The following PCMT1 variants were observed in gnomAD, a reference collection of about 807,000 sequenced individuals.
PCMT1 encodes protein-L-isoaspartate (D-aspartate) O-methyltransferase.
Under a neutral mutation model 29.2 loss-of-function variants are expected in PCMT1, and 9 were observed. That is an observed-to-expected ratio of 0.31 (90% CI 0.19 to 0.54). PCMT1 has a LOEUF of 0.54. Ranked by LOEUF, PCMT1 falls within the 20% of genes least tolerant of loss-of-function variation. The probability of loss-of-function intolerance (pLI) is 0.95; values close to 1 mark genes in which losing one functional copy is unlikely to be tolerated. For synonymous variants in PCMT1, 98 were observed against 97.5 expected (o/e 1.00, Z -0.03); for missense variants, 184 against 282.2 (o/e 0.65, Z 2.49).
At chr6:149,780,343 A>G (rs2115277028) in intron 3 of PCMT1, among the ~76,000 whole-genome samples, 1 of 142,150 alleles carries the variant, frequency 7.0e-6, no homozygotes, top group East Asian at 2.0e-4. Flanking sequence ...CCTGTCTCAG[A>G]AAAAAAAAAA....
intron 3 of PCMT1, among the ~76,000 whole-genome samples, chr6:149,773,911 G>T (rs193075301): frequency 1.4e-3 from 215 of 152,280 alleles, no homozygotes; most frequent in Non-Finnish European, 2.1e-3. Context: ...CCATTAAGCT[G>T]CATAGCTCCT....
chr6:149,769,807 G>A (rs1463343280), intron 1 of PCMT1, among the ~76,000 whole-genome samples: 1 of 135,752 alleles, frequency 7.4e-6, no homozygotes, highest in Non-Finnish European at 1.5e-5. Context: ...GTGGAGACAG[G>A]GCCTATGTTG....
At chr6:149,749,726 G>C (rs1337924819), upstream of PCMT1, 2 of 1,542,200 alleles carry the variant, frequency 1.3e-6, no homozygotes, top group Admixed American at 3.9e-5. Flanking sequence ...GTGCCGCGGG[G>C]GATGCCGGGA....
chr6:149,809,977 A>G (rs942095048), intron 7 of PCMT1: 8 of 152,338 alleles, frequency 5.3e-5, no homozygotes, highest in African/African-American at 1.7e-4. Flanking sequence ...TTACTGAGGT[A>G]TAACTGAGAT....
chr6:149,770,273 A>T (rs933548490), intron 1 of PCMT1, among the ~76,000 whole-genome samples: 2 of 152,168 alleles, frequency 1.3e-5, no homozygotes, highest in Non-Finnish European at 2.9e-5. Flanking sequence ...TGATCCTTCT[A>T]CAGGATTTCT....
At chr6:149,799,966 T>A (rs997609243) in intron 6 of PCMT1, among the ~76,000 whole-genome samples, 1 of 152,168 alleles carries the variant, frequency 6.6e-6, no homozygotes, top group Non-Finnish European at 1.5e-5. Context: ...TTATCTAGCG[T>A]ATGTTTTGAA....
At chr6:149,772,564 CAGG>C (rs920492461) in intron 2 of PCMT1, 2 of 455,902 alleles carry the variant, frequency 4.4e-6, no homozygotes, top group Non-Finnish European at 8.8e-6. Context: ...GCTGACTCTA[CAGG>C]AGAAGAAATT....
In PCMT1 at chr6:149,810,863, A is replaced by G; in HGVS notation, c.*285A>G. On this transcript the variant is annotated 3_prime_UTR_variant, in exon 8 of 8. Transcript: ENST00000464889. ...TGTAATATTACTTTAACATGCCCAT[A>G]TTTTACTTGGAAATATTAAAAGAAA... The G allele has an allele frequency of 2.5e-6, 1 of 400,416 alleles. No homozygotes were observed. Among genetic ancestry groups the G allele is most frequent in the Non-Finnish European group, 4.4e-6 (1 of 225,200 alleles). The allele number at this position is 400,416 out of a possible 1,614,324, so 24.8% of individuals were successfully genotyped here.
At chr6:149,751,012 C>A (rs555474271) in intron 1 of PCMT1, among the ~76,000 whole-genome samples, 1 of 152,210 alleles carries the variant, frequency 6.6e-6, no homozygotes, top group South Asian at 2.1e-4. Flanking sequence ...TAACGGCTGG[C>A]ACCATTAAAA....
chr6:149,778,921 G>A (rs925466376), intron 3 of PCMT1, among the ~76,000 whole-genome samples: 1 of 152,152 alleles, frequency 6.6e-6, no homozygotes, highest in African/African-American at 2.4e-5. Flanking sequence ...AAAAGTTATA[G>A]TCTTAAGATA....
At position 149,749,886 on chromosome 6, in the gene PCMT1, C is replaced by T; in HGVS notation, c.-16C>T. On this transcript the variant is annotated 5_prime_UTR_variant, in exon 1 of 8. Transcript: ENST00000464889. ...CGCTGAAGGTGGTTCTGTACCTGCT[C>T]CGAGTGTGCTTAGCGATGGCCTGGA... The T allele has an allele frequency of 6.2e-7, 1 of 1,606,960 alleles. No homozygotes were observed. Among genetic ancestry groups the T allele is most frequent in the Non-Finnish European group, 8.5e-7 (1 of 1,177,020 alleles).
intron 1 of PCMT1, among the ~76,000 whole-genome samples, chr6:149,770,339 T>G (rs1787260317): frequency 6.6e-6 from 1 of 152,118 alleles, no homozygotes; most frequent in African/African-American, 2.4e-5. Flanking sequence ...CATCCCCAAA[T>G]CCAGTCAGTC....
At chr6:149,765,019 G>A (rs890343067) in intron 1 of PCMT1, among the ~76,000 whole-genome samples, 13 of 142,098 alleles carry the variant, frequency 9.1e-5, no homozygotes, top group African/African-American at 2.9e-4. Context: ...CCAGCCTGGC[G>A]AGAGTGAGAT....
At chr6:149,766,597 T>G (rs916384713) in intron 1 of PCMT1, among the ~76,000 whole-genome samples, 3 of 152,220 alleles carry the variant, frequency 2.0e-5, no homozygotes, top group Non-Finnish European at 4.4e-5. Context: ...CAGCCACACT[T>G]TCATTTATGT....
intron 1 of PCMT1, among the ~76,000 whole-genome samples, chr6:149,758,874 G>GC (rs1264592675): frequency 1.3e-5 from 2 of 151,908 alleles, no homozygotes; most frequent in South Asian, 2.1e-4. Context: ...ATTATATTGT[G>GC]AATTTTTTTT....
intron 2 of PCMT1, chr6:149,772,753 C>CA (rs1787386857): frequency 2.7e-6 from 1 of 366,958 alleles, no homozygotes; most frequent in Non-Finnish European, 5.3e-6. Flanking sequence ...CGTGGTGGCT[C>CA]ACGCCTGTAA....
intron 7 of PCMT1, among the ~76,000 whole-genome samples, chr6:149,804,349 C>T (rs1265091329): frequency 6.6e-6 from 1 of 151,870 alleles, no homozygotes; most frequent in African/African-American, 2.4e-5. Flanking sequence ...TAGTGTTGAA[C>T]ATCTTGCCTA....
At position 149,802,192 on chromosome 6, in the gene PCMT1, T is replaced by C. The variant is rs572307140; in HGVS notation, c.505-8T>C. 55 of 1,523,594 alleles carry C rather than the reference T, an allele frequency of 3.6e-5. No individual in the cohort carries two copies. In the African/African-American group the frequency reaches 5.2e-4, roughly 14 times the overall value. 94.4% of individuals were successfully genotyped at this position (1,523,594 alleles called of 1,614,324 possible). A position where few individuals can be genotyped will look rare whatever the true frequency, so the allele number is the denominator to read the frequency against. On this transcript the variant is annotated splice_polypyrimidine_tract_variant and splice_region_variant and intron_variant, in intron 6 of 7. Coordinates refer to ENST00000464889, the MANE Select transcript of PCMT1 (RefSeq NM_001360452.2). ...GGTGATGTATGTGCTTTTTTTTTTT[T>C]CTTTTAGCTAATAGATCAGTTAAAG...
rs150609018 is a variant in PCMT1, at chr6:149,802,882, C to T, written c.*37+466C>T. ...TAGCCTGGCCAACATGGTGAAACCC[C>T]GTCTCTATTAAAAATACAAAATCAG... is the stretch of plus-strand genomic sequence containing the variant. On this transcript the variant is annotated intron_variant, in intron 7 of 7. Transcript: ENST00000464889. Among the ~76,000 whole-genome samples, 345 of 151,288 alleles carry T rather than the reference C, an allele frequency of 2.3e-3. 3 individuals are homozygous for T. The highest frequency in any genetic ancestry group is 0.022 in the East Asian group (115 of 5,146).
Sources: gnomAD v4.1 joint callset for allele counts (sites outside exome capture counted in the v4.1 genomes callset) on GRCh38, gnomAD v4.1.1 for gene constraint, MANE v1.5 for transcripts, NCBI Gene and HGNC (gene_info 2026-07-23, HGNC 2026-07-21) for gene names.